Variants in PXK observed in about 807,000 individuals in gnomAD.
PXK encodes PX domain containing serine/threonine kinase like.
Under a neutral mutation model 84.7 loss-of-function variants are expected in PXK, and 35 were observed. That is an observed-to-expected ratio of 0.41 (90% confidence interval 0.32 to 0.55). The LOEUF (loss-of-function observed/expected upper bound fraction) is 0.55. Ranked by LOEUF, PXK falls within the 20% of genes least tolerant of loss-of-function variation. The pLI, the probability that PXK is intolerant of heterozygous loss-of-function variation, is 0.21. For missense variants in PXK, 634 were observed against 699.7 expected (o/e 0.91, Z 1.06); for synonymous variants, 253 against 260.8 (o/e 0.97, Z 0.29).
intron 1 of PXK, among the ~76,000 whole-genome samples, chr3:58,339,200 T>G (rs2097681136): frequency 6.6e-6 from 1 of 151,458 alleles, no homozygotes; most frequent in Non-Finnish European, 1.5e-5. Flanking sequence ...TTTTTGTTGT[T>G]GTTGGGTTTT....
chr3:58,360,745 T>C (rs971778489), intron 1 of PXK, among the ~76,000 whole-genome samples: 1 of 151,678 alleles, frequency 6.6e-6, no homozygotes, highest in African/African-American at 2.4e-5. Context: ...GGCAGGAGGA[T>C]TGCTTGAACC....
intron 17 of PXK, chr3:58,420,585 TG>T: frequency 6.5e-7 from 1 of 1,536,078 alleles, no homozygotes; most frequent in Middle Eastern, 1.7e-4. Flanking sequence ...TAAACTATGC[TG>T]ATTTCTCAGA....
intron 4 of PXK, among the ~76,000 whole-genome samples, chr3:58,386,664 T>C (rs914740161): frequency 6.6e-6 from 1 of 152,226 alleles, no homozygotes; most frequent in Non-Finnish European, 1.5e-5. Flanking sequence ...GCCATCTTCC[T>C]GCCTCAGTCC....
At chr3:58,354,237 C>A (rs534747315) in intron 1 of PXK, among the ~76,000 whole-genome samples, 1 of 152,204 alleles carries the variant, frequency 6.6e-6, no homozygotes, top group South Asian at 2.1e-4. Flanking sequence ...ATGGGAGCCA[C>A]CACTACAGAG....
chr3:58,415,626 G>C (rs185756969), intron 17 of PXK, among the ~76,000 whole-genome samples: 1 of 152,340 alleles, frequency 6.6e-6, no homozygotes, highest in Non-Finnish European at 1.5e-5. Context: ...CAACCATATA[G>C]AAATGTTGTT....
intron 17 of PXK, chr3:58,413,168 A>G: frequency 1.6e-6 from 1 of 623,662 alleles, no homozygotes; most frequent in African/African-American, 1.8e-5. Flanking sequence ...CAGGGAATGG[A>G]CCGGTTTCAG....
In PXK at chr3:58,411,048, C is replaced by T. The variant is rs2060128270; in HGVS notation, c.1465+889C>T. Among the ~76,000 whole-genome samples the T allele has an allele frequency of 6.6e-6, 1 of 152,216 alleles. No homozygotes were observed. The highest frequency in any genetic ancestry group is 1.5e-5 in the Non-Finnish European group (1 of 68,040). ...CAACTTTGAGGAAACCCATGCATCT[C>T]TTCCTAGCGGTAGGATTTGGTGTGG... On this transcript the variant is annotated intron_variant, in intron 16 of 17. Coordinates refer to ENST00000356151, the MANE Select transcript of PXK (RefSeq NM_017771.5). This position sits in a 1 kb window ranked among gnomAD's most constrained non-coding sequence, Gnocchi z 4.2.
intron 13 of PXK, among the ~76,000 whole-genome samples, chr3:58,405,276 C>CTT (rs11447786): frequency 1.3e-5 from 2 of 151,404 alleles, no homozygotes; most frequent in South Asian, 2.1e-4. Context: ...CTACTTACAG[C>CTT]TTTTTTTTTA....
intron 1 of PXK, among the ~76,000 whole-genome samples, chr3:58,352,783 A>T (rs547094372): frequency 6.6e-6 from 1 of 152,258 alleles, no homozygotes; most frequent in East Asian, 1.9e-4. Context: ...CTTCTCTGGA[A>T]CATCAGCTGT....
intron 17 of PXK, among the ~76,000 whole-genome samples, chr3:58,415,436 G>T (rs1249199697): frequency 1.3e-5 from 2 of 152,186 alleles, no homozygotes; most frequent in Non-Finnish European, 2.9e-5. Context: ...TTATTATAAA[G>T]GATGTTACAA....
intron 5 of PXK, 78 bp from the exon 6 acceptor site, chr3:58,391,069 T>A: frequency 4.8e-6 from 5 of 1,036,464 alleles, no homozygotes; most frequent in Non-Finnish European, 7.4e-6. Flanking sequence ...TTAATTTTTC[T>A]TGATTACCTA....
chr3:58,365,863 C>T lies in PXK; in HGVS notation c.103-11C>T, dbSNP rs750685860. On this transcript the variant is annotated splice_polypyrimidine_tract_variant and intron_variant, in intron 1 of 17. Transcript: ENST00000356151. Reference sequence around the variant, plus strand: ...TTATAACTGAGGTTATTCTTCCCTTCTCTTTTTAAGGAATATATTATTCGA... The same window carrying T: ...TTATAACTGAGGTTATTCTTCCCTTTTCTTTTTAAGGAATATATTATTCGA... 1.4e-5 allele frequency: 22 copies of T among 1,538,634 alleles called. No homozygotes were observed. The highest frequency in any genetic ancestry group is 1.9e-5 in the Non-Finnish European group (22 of 1,145,578).
At position 58,409,485 on chromosome 3, in the gene PXK, G is replaced by C. The variant is rs564335856; in HGVS notation, c.1309-47G>C. On this transcript the variant is annotated intron_variant, in intron 14 of 17. Coordinates refer to ENST00000356151, the MANE Select transcript of PXK (RefSeq NM_017771.5). The surrounding 1 kb of genome is among the most constrained non-coding windows in gnomAD (Gnocchi z 4.2). ...ACATGTTGGAGAAGATTTTCATTAG[G>C]AAGCTGCCTTATGTGGGATATGCTT... The C allele has an allele frequency of 4.3e-5, 66 of 1,517,592 alleles. No individual in the cohort carries two copies. The South Asian group carries it at 7.4e-4, about 17-fold the overall frequency. The allele number at this position is 1,517,592 out of a possible 1,614,324, so 94.0% of individuals were successfully genotyped here.
chr3:58,342,140 T>C (rs1345223798), intron 1 of PXK, among the ~76,000 whole-genome samples: 2 of 152,094 alleles, frequency 1.3e-5, no homozygotes, highest in Admixed American at 1.3e-4. Context: ...AAGAAACAAC[T>C]AAGTTCTATT....
chr3:58,384,286 A>G (rs2098532248), intron 4 of PXK, among the ~76,000 whole-genome samples: 1 of 152,194 alleles, frequency 6.6e-6, no homozygotes. Flanking sequence ...TCCCCAGGTG[A>G]TTTGCACGCA....
chr3:58,382,423 T>G, intron 3 of PXK, 91 bp from the exon 4 acceptor site: 1 of 1,139,250 alleles, frequency 8.8e-7, no homozygotes, highest in Non-Finnish European at 1.2e-6. Flanking sequence ...TGCATTGTCT[T>G]AGGTTTAATG....
intron 9 of PXK, among the ~76,000 whole-genome samples, chr3:58,396,723 C>T (rs1047139349): frequency 2.6e-5 from 4 of 152,178 alleles, no homozygotes; most frequent in Non-Finnish European, 5.9e-5. Flanking sequence ...AGAGAGCTGG[C>T]CTATTGGAAT....
rs1441287322 is a variant in PXK at position 58,390,034 on chromosome 3, C to T, written c.389-548C>T. Among the ~76,000 whole-genome samples, 4 of 148,424 alleles carry T rather than the reference C, an allele frequency of 2.7e-5. No homozygotes were observed. The highest frequency in any genetic ancestry group is 7.4e-5 in the African/African-American group (3 of 40,330). On this transcript the variant is annotated intron_variant, in intron 4 of 17. Coordinates refer to ENST00000356151, the MANE Select transcript of PXK (RefSeq NM_017771.5). This position sits in a 1 kb window ranked among gnomAD's most constrained non-coding sequence, Gnocchi z 4.2. ...AAAAAAAAAAAAAAAACAATTTAGC[C>T]AGGCGTGATGGCCCATGCTTGTAGT...
rs2098539935 is a variant in PXK at position 58,385,063 on chromosome 3, G to T, written c.388+2363G>T. ...TAGAAGGTTGTCTATTCTGACAGTT[G>T]TTGGTTCTCTGCTTTTTTCTGTACC... is the stretch of plus-strand genomic sequence containing the variant. On this transcript the variant is annotated intron_variant, in intron 4 of 17. Transcript: ENST00000356151. The surrounding 1 kb of genome is among the most constrained non-coding windows in gnomAD (Gnocchi z 5.1). Among the ~76,000 whole-genome samples the T allele has an allele frequency of 6.6e-6, 1 of 152,152 alleles. No homozygotes were observed. The highest frequency in any genetic ancestry group is 1.5e-5 in the Non-Finnish European group (1 of 68,024).
Sources: allele counts gnomAD v4.1 joint callset (sites outside exome capture counted in the v4.1 genomes callset), GRCh38; gene constraint gnomAD v4.1.1; non-coding constraint Gnocchi (gnomAD v3.1); transcripts MANE v1.5; gene names NCBI Gene and HGNC (gene_info 2026-07-23, HGNC 2026-07-21).